Variants in ENPP1 observed in about 807,000 individuals in gnomAD.
The protein encoded by ENPP1 is ectonucleotide pyrophosphatase/phosphodiesterase 1.
In ENPP1, 73 loss-of-function variants were observed where a neutral mutation model predicts 122.8. The ratio of observed to expected loss-of-function variants is 0.59; its 90% CI spans 0.49 to 0.72. The LOEUF (loss-of-function observed/expected upper bound fraction) is 0.72. ENPP1 is among the 30% of genes least tolerant of loss of function. The pLI is 0.00. For missense variants in ENPP1, 978 were observed against 1,128.1 expected (o/e 0.87, Z 1.91); for synonymous variants, 367 against 391.6 (o/e 0.94, Z 0.74).
chr6:131,884,613 CA>C (rs780552593), intron 22 of ENPP1, among the ~76,000 whole-genome samples: 1 of 152,018 alleles, frequency 6.6e-6, no homozygotes, highest in African/African-American at 2.4e-5. Flanking sequence ...CTAGTCTCTA[CA>C]AAAAATTTTA....
At chr6:131,883,825 A>G (rs758199267) in intron 22 of ENPP1, 51 bp downstream of exon 22, 2 of 899,740 alleles carry the variant, frequency 2.2e-6, no homozygotes, top group South Asian at 1.3e-5. Context: ...TTGTGCACAT[A>G]TAGGCATAAT....
At position 131,882,368 on chromosome 6, in the gene ENPP1, C is replaced by T. The variant is rs140521704; in HGVS notation, c.2124C>T (p.Phe708=). 6.2e-7 allele frequency: 1 copy of T among 1,604,556 alleles called. No homozygotes were observed. Among genetic ancestry groups the T allele is most frequent in the Admixed American group, 1.7e-5 (1 of 59,746 alleles). ...DRNDSFSTED[F]SNCLYQDFRI... ...AGGACAGTTTCTCTACGGAAGACTT[C>T]TCCAACTGTCTGTACCAGGACTTTA... The change falls in exon 21 of 25, where the codon TTC becomes TTT. Residue 708 remains phenylalanine (F), a synonymous_variant. Transcript: ENST00000647893.
In ENPP1 at chr6:131,870,727, G is replaced by A. The variant is rs143071330; in HGVS notation, c.1405+1238G>A. On this transcript the variant is annotated intron_variant, in intron 13 of 24. Transcript: ENST00000647893. ...TATGCCTAATACCAAGTTTTAATTC[G>A]TATTTTTTTAATTTAGAAAAGTAGT... 5.9e-3 allele frequency among the ~76,000 whole-genome samples: 905 copies of A among 152,166 alleles called. 4 individuals are homozygous for A. The highest frequency in any genetic ancestry group is 0.021 in the African/African-American group (862 of 41,502).
At position 131,890,815 on chromosome 6, in the gene ENPP1, T is replaced by C; in HGVS notation, c.*304T>C. 2 of 381,720 alleles carry C rather than the reference T, an allele frequency of 5.2e-6. No individual in the cohort carries two copies. Among genetic ancestry groups the C allele is most frequent in the South Asian group, 2.8e-5 (1 of 35,788 alleles). 23.6% of individuals were successfully genotyped at this position (381,720 alleles called of 1,614,324 possible). The stretch of plus-strand genomic sequence containing the variant: ...CTTAAAGGAGAAGTAGCTGTGAACA[T>C]TGTCTGGATACCAGATATTTGAATC... On this transcript the variant is annotated 3_prime_UTR_variant, in exon 25 of 25. Coordinates refer to ENST00000647893, the MANE Select transcript of ENPP1 (RefSeq NM_006208.3).
intron 21 of ENPP1, among the ~76,000 whole-genome samples, chr6:131,882,773 C>CT (rs1287343184): frequency 1.3e-5 from 2 of 150,872 alleles, no homozygotes; most frequent in African/African-American, 4.9e-5. Flanking sequence ...ATAAAATTTT[C>CT]TTTTTGTTGG....
At chr6:131,850,246 C>G in intron 3 of ENPP1, 140 bp downstream of exon 3, 4 of 689,858 alleles carry the variant, frequency 5.8e-6, no homozygotes, top group Non-Finnish European at 1.0e-5. Context: ...TTGACATTAG[C>G]TTTTATATTT....
Position 131,884,955 on chromosome 6 carries a change from C to T in ENPP1, c.2336C>T (p.Thr779Ile), listed in dbSNP as rs200239821. 6.2e-7 allele frequency: 1 copy of T among 1,614,034 alleles called. No homozygotes were observed. The highest frequency in any genetic ancestry group is 8.5e-7 in the Non-Finnish European group (1 of 1,179,920). The change falls in exon 23 of 25, where the codon ACC becomes ATC. Residue 779 changes from threonine (T) to isoleucine (I), a missense_variant. Coordinates refer to ENST00000647893, the MANE Select transcript of ENPP1 (RefSeq NM_006208.3). Reference protein sequence around the residue: ...FQVIWRYFHDTLLRKYAEERN... With the variant: ...FQVIWRYFHDILLRKYAEERN... ...GTTATATGGCGCTACTTTCATGACA[C>T]CCTACTGCGAAAGTATGCTGAAGAA... is the stretch of plus-strand genomic sequence containing the variant.
intron 1 of ENPP1, among the ~76,000 whole-genome samples, chr6:131,829,046 C>G (rs1781579284): frequency 6.6e-6 from 1 of 152,214 alleles, no homozygotes; most frequent in Non-Finnish European, 1.5e-5. Context: ...TATGTTCTTT[C>G]CACCCTTTGT....
chr6:131,878,558 AT>A lies in ENPP1; in HGVS notation c.1914del (p.Gln639LysfsTer6). ...CTTTTTTAGATTTTGCCGATTGAGG[AT>A]TTTCAAACACAGTTCAATCTGACTG... ...SCNPSILPIE[D>X]FQTQFNLTVA... On this transcript the variant is annotated frameshift_variant, in exon 19 of 25. Transcript: ENST00000647893. LOFTEE classifies it high-confidence loss of function. 1.2e-6 allele frequency: 2 copies of A among 1,612,576 alleles called. No individual in the cohort carries two copies. The highest frequency in any genetic ancestry group is 1.7e-6 in the Non-Finnish European group (2 of 1,178,746).
At chr6:131,854,044 A>G (rs562506455) in intron 5 of ENPP1, among the ~76,000 whole-genome samples, 1 of 152,270 alleles carries the variant, frequency 6.6e-6, no homozygotes, top group African/African-American at 2.4e-5. Context: ...ATATATTTAA[A>G]TATAGTATCT....
rs1585837276 is a variant in ENPP1 at position 131,877,266 on chromosome 6, G to T, written c.1893+105G>T. On this transcript the variant is annotated intron_variant, in intron 18 of 24. Transcript: ENST00000647893. The stretch of plus-strand genomic sequence containing the variant: ...AATAATCAAATTAGAATTTAGGAGT[G>T]GGGGTAGGTAAACATATGTTTTAAT... The T allele has an allele frequency of 9.2e-6, 10 of 1,090,478 alleles. No homozygotes were observed. The East Asian group carries it at 2.3e-4, about 25-fold the overall frequency. The allele number at this position is 1,090,478 out of a possible 1,614,324, so 67.6% of individuals were successfully genotyped here. A position where few individuals can be genotyped will look rare whatever the true frequency, so the allele number is the denominator to read the frequency against.
At chr6:131,859,576 G>A (rs1001063367) in intron 7 of ENPP1, among the ~76,000 whole-genome samples, 3 of 133,716 alleles carry the variant, frequency 2.2e-5, no homozygotes, top group African/African-American at 5.6e-5. Context: ...AGTAGAGTCG[G>A]GGTTTTGTAG....
chr6:131,841,307 C>G (rs858343), intron 1 of ENPP1, among the ~76,000 whole-genome samples: 30,343 of 152,114 alleles, frequency 0.2, 3,865 homozygotes, highest in Middle Eastern at 0.41. Context: ...CTCCCAGCAC[C>G]AGGCTGGTCT....
intron 22 of ENPP1, 75 bp from the exon 23 acceptor site, chr6:131,884,856 T>C (rs978070078): frequency 2.7e-6 from 4 of 1,460,766 alleles, no homozygotes; most frequent in Admixed American, 1.7e-5. Flanking sequence ...TTTTGAATCA[T>C]GGTGTTAATT....
intron 1 of ENPP1, among the ~76,000 whole-genome samples, chr6:131,841,976 G>A (rs1442086051): frequency 6.6e-6 from 1 of 151,956 alleles, no homozygotes; most frequent in Non-Finnish European, 1.5e-5. Flanking sequence ...TCCACTGACC[G>A]CCCGCAGGCT....
At chr6:131,846,267 G>A (rs879600435) in intron 1 of ENPP1, among the ~76,000 whole-genome samples, 1 of 152,000 alleles carries the variant, frequency 6.6e-6, no homozygotes, top group Admixed American at 6.6e-5. Flanking sequence ...TTAGCTTTCC[G>A]GAAATACTAC....
At chr6:131,883,373 A>G (rs560338537) in intron 21 of ENPP1, among the ~76,000 whole-genome samples, 1 of 152,352 alleles carries the variant, frequency 6.6e-6, no homozygotes, top group Admixed American at 6.5e-5. Flanking sequence ...GAAAAAGTGT[A>G]AGGAAAGAAG....
At chr6:131,877,866 A>AAAAAAAAAATATATATATATATAT (rs1562183349) in intron 18 of ENPP1, 1 of 53,022 alleles carries the variant, frequency 1.9e-5, no homozygotes, top group Non-Finnish European at 3.0e-5. Context: ...AAAAAAAAAA[A>AAAAAAAAAATATATATATATATAT]ATATATATAT....
chr6:131,848,201 G>A (rs1781837563), intron 2 of ENPP1, among the ~76,000 whole-genome samples: 1 of 152,086 alleles, frequency 6.6e-6, no homozygotes, highest in Non-Finnish European at 1.5e-5. Context: ...ACCATCCCTG[G>A]GCAACCAGAA....
Sources: allele counts gnomAD v4.1 joint callset (sites outside exome capture counted in the v4.1 genomes callset), GRCh38; gene constraint gnomAD v4.1.1; transcripts MANE v1.5; gene names NCBI Gene and HGNC (gene_info 2026-07-23, HGNC 2026-07-21).